The following RIMS2 variants were observed in gnomAD, a reference collection of about 807,000 sequenced individuals.
RIMS2 encodes regulating synaptic membrane exocytosis 2.
RIMS2 carries 59 observed loss-of-function variants against 174.4 expected under a neutral mutation model. The ratio of observed to expected loss-of-function variants is 0.34; its 90% CI spans 0.27 to 0.42. The LOEUF is 0.42. Among genes scored for constraint, RIMS2 ranks in the 10% least tolerant of loss-of-function variants. RIMS2 has a pLI of 1.00. For synonymous variants in RIMS2, 606 were observed against 572.5 expected, an observed-to-expected ratio of 1.06 and a Z score of -0.84; for missense variants, 1,620 against 1,666.3, an observed-to-expected ratio of 0.97 and a Z score of 0.48.
chr8:103,943,686 G>T (rs533993718), intron 14 of RIMS2, among the ~76,000 whole-genome samples: 53 of 152,078 alleles, frequency 3.5e-4, no homozygotes, highest in African/African-American at 1.2e-3. Context: ...TAGGCTTTTC[G>T]CCCCTAAAAC....
chr8:103,685,250 CT>C (rs1216807538), intron 1 of RIMS2, among the ~76,000 whole-genome samples: 1 of 152,074 alleles, frequency 6.6e-6, no homozygotes, highest in Non-Finnish European at 1.5e-5. Context: ...CTGTCATTGG[CT>C]TCTGGTGGGG....
rs138781877 is a variant in RIMS2, at chr8:103,866,527, T to C, written c.699-18771T>C. ...TTTTGGTAACTTATTTTGGTACTTC[T>C]CTGCATAACAAACGATATTTGAACA... On this transcript the variant is annotated intron_variant, in intron 3 of 23. Transcript: ENST00000504942. Among the ~76,000 whole-genome samples the C allele has an allele frequency of 4.3e-3, 657 of 152,250 alleles. 4 individuals carry two copies. Among genetic ancestry groups the C allele is most frequent in the Non-Finnish European group, 7.2e-3 (491 of 67,952 alleles).
At chr8:104,244,710 C>T (rs912528817) in intron 19 of RIMS2, among the ~76,000 whole-genome samples, 1 of 152,118 alleles carries the variant, frequency 6.6e-6, no homozygotes, top group African/African-American at 2.4e-5. Context: ...GTGTTTTGTG[C>T]TTCTACAGAT....
At chr8:103,510,814 A>G (rs1027927064) in intron 1 of RIMS2, among the ~76,000 whole-genome samples, 18 of 152,270 alleles carry the variant, frequency 1.2e-4, no homozygotes, top group African/African-American at 4.3e-4. Context: ...ATATCTGTAG[A>G]GTTCTTTTTG....
intron 19 of RIMS2, among the ~76,000 whole-genome samples, chr8:104,243,016 ATGGAGGTTGCAAATTGG>A (rs1292686909): frequency 2.6e-5 from 4 of 152,196 alleles, no homozygotes; most frequent in African/African-American, 7.2e-5. Flanking sequence ...ATTGATTCCA[ATGGAGGTTGCAAATTGG>A]TAAATTTTGA....
chr8:104,209,445 A>G (rs2099095683), intron 19 of RIMS2, among the ~76,000 whole-genome samples: 1 of 152,366 alleles, frequency 6.6e-6, no homozygotes, highest in Non-Finnish European at 1.5e-5. Context: ...GAGGAACAAG[A>G]GAACTATCTT....
At chr8:104,244,228 A>G (rs2099318351) in intron 19 of RIMS2, among the ~76,000 whole-genome samples, 1 of 152,198 alleles carries the variant, frequency 6.6e-6, no homozygotes, top group Non-Finnish European at 1.5e-5. Context: ...AAAATCCTTG[A>G]GGACATGACT....
At chr8:104,146,168 A>G (rs1044793551) in intron 19 of RIMS2, among the ~76,000 whole-genome samples, 19 of 133,550 alleles carry the variant, frequency 1.4e-4, no homozygotes, top group Non-Finnish European at 1.2e-4. Context: ...AGTTGAGACC[A>G]GCCCGGGCAA....
intron 1 of RIMS2, among the ~76,000 whole-genome samples, chr8:103,571,909 A>T (rs1379633982): frequency 2.0e-5 from 3 of 152,214 alleles, no homozygotes; most frequent in Admixed American, 6.5e-5. Flanking sequence ...GTCCAAAATT[A>T]ATAGTTCCCT....
At chr8:103,598,481 TTTTA>T (rs1308892346) in intron 1 of RIMS2, among the ~76,000 whole-genome samples, 11 of 152,196 alleles carry the variant, frequency 7.2e-5, no homozygotes, top group African/African-American at 2.4e-4. Context: ...GAGGTAATAA[TTTTA>T]TTTGTCAGGA....
intron 5 of RIMS2, among the ~76,000 whole-genome samples, chr8:103,911,041 G>T (rs1163384165): frequency 6.6e-6 from 1 of 152,044 alleles, no homozygotes; most frequent in Non-Finnish European, 1.5e-5. Flanking sequence ...TTTTAATGTG[G>T]TATTAATTAG....
chr8:104,232,678 A>G (rs2099237140), intron 19 of RIMS2, among the ~76,000 whole-genome samples: 1 of 152,216 alleles, frequency 6.6e-6, no homozygotes, highest in Non-Finnish European at 1.5e-5. Flanking sequence ...GCTACAGGAT[A>G]ACTTCGGGAA....
At chr8:103,749,354 C>T (rs1235353598) in intron 2 of RIMS2, among the ~76,000 whole-genome samples, 3 of 152,026 alleles carry the variant, frequency 2.0e-5, no homozygotes, top group Non-Finnish European at 2.9e-5. Flanking sequence ...CCTCGTGATC[C>T]GCCCGCCTTG....
intron 14 of RIMS2, among the ~76,000 whole-genome samples, chr8:103,959,057 A>G (rs1326944836): frequency 1.3e-5 from 2 of 152,212 alleles, no homozygotes; most frequent in African/African-American, 4.8e-5. Context: ...TTTGTGGGCC[A>G]TCTACAGAAG....
chr8:103,878,538 G>A (rs1271721432), intron 3 of RIMS2, among the ~76,000 whole-genome samples: 1 of 151,228 alleles, frequency 6.6e-6, no homozygotes, highest in Non-Finnish European at 1.5e-5. Context: ...CTTTCTTTTT[G>A]TTGTGTCCTT....
chr8:103,703,413 T>G (rs2097190520), intron 2 of RIMS2, among the ~76,000 whole-genome samples: 1 of 152,076 alleles, frequency 6.6e-6, no homozygotes, highest in Non-Finnish European at 1.5e-5. Flanking sequence ...AATTTTTGTA[T>G]TCATAGTAGA....
chr8:103,988,835 TG>T (rs1178338163), intron 16 of RIMS2, among the ~76,000 whole-genome samples: 1 of 152,152 alleles, frequency 6.6e-6, no homozygotes, highest in Non-Finnish European at 1.5e-5. Context: ...TGGCGCAAAG[TG>T]TGCAAATTTT....
chr8:103,802,329 G>T (rs1452030567), intron 3 of RIMS2, among the ~76,000 whole-genome samples: 1 of 152,142 alleles, frequency 6.6e-6, no homozygotes, highest in Non-Finnish European at 1.5e-5. Flanking sequence ...AGATATATTA[G>T]CAGTAGAAGT....
chr8:103,922,642 G>A (rs756125771), intron 10 of RIMS2: 95 of 398,438 alleles, frequency 2.4e-4, no homozygotes, highest in Admixed American at 1.7e-4. Context: ...TTAAAAAAAA[G>A]TTACAGTTAA....
Sources: allele counts gnomAD v4.1 joint callset (sites outside exome capture counted in the v4.1 genomes callset), GRCh38; gene constraint gnomAD v4.1.1; transcripts MANE v1.5; gene names NCBI Gene and HGNC (gene_info 2026-07-23, HGNC 2026-07-21).